MAPK10: variants seen among roughly 807,000 people sequenced by gnomAD.
The protein encoded by MAPK10 is JNK3 alpha protein kinase.
In MAPK10, 25 loss-of-function variants were observed where a neutral mutation model predicts 59.3. That is an observed-to-expected ratio of 0.42 (90% CI 0.31 to 0.59). The LOEUF is 0.59. Ranked by LOEUF, MAPK10 falls within the 20% of genes least tolerant of loss-of-function variation. The pLI is 0.15. For missense variants in MAPK10, 351 were observed against 568.9 expected (o/e 0.62, Z 3.90); for synonymous variants, 190 against 200.5 (o/e 0.95, Z 0.44).
intron 1 of MAPK10, among the ~76,000 whole-genome samples, chr4:86,551,010 G>C (rs750911855): frequency 1.3e-5 from 2 of 152,166 alleles, no homozygotes; most frequent in African/African-American, 2.4e-5. Context: ...ACTTCAAGGA[G>C]ACAGATAAGT....
At chr4:86,242,717 G>A (rs1465077803) in intron 2 of MAPK10, among the ~76,000 whole-genome samples, 2 of 152,216 alleles carry the variant, frequency 1.3e-5, no homozygotes, top group African/African-American at 4.8e-5. Flanking sequence ...GAGAAGCGCA[G>A]CTTGGAGCTA....
intron 2 of MAPK10, among the ~76,000 whole-genome samples, chr4:86,263,692 G>A (rs1057091999): frequency 1.3e-5 from 2 of 152,138 alleles, no homozygotes; most frequent in Non-Finnish European, 2.9e-5. Flanking sequence ...CACTTTACTG[G>A]TGCCTGAGTA....
chr4:86,401,976 C>T (rs1743784489), intron 1 of MAPK10, among the ~76,000 whole-genome samples: 1 of 152,090 alleles, frequency 6.6e-6, no homozygotes, highest in Non-Finnish European at 1.5e-5. Context: ...CAGGGGTAGA[C>T]ACATGACTAG....
chr4:86,107,465 G>A, intron 4 of MAPK10, 113 bp from the exon 5 acceptor site: 1 of 1,405,370 alleles, frequency 7.1e-7, no homozygotes, highest in Non-Finnish European at 9.3e-7. Flanking sequence ...CTTAGATACT[G>A]TCTACTCTGG....
intron 4 of MAPK10, among the ~76,000 whole-genome samples, chr4:86,139,818 A>T (rs2063194595): frequency 1.3e-5 from 2 of 150,120 alleles, no homozygotes; most frequent in South Asian, 2.1e-4. Context: ...TCTACAATGA[A>T]CTCAAACAAA....
chr4:86,075,824 G>T (rs959402129), intron 9 of MAPK10, among the ~76,000 whole-genome samples: 1 of 152,200 alleles, frequency 6.6e-6, no homozygotes, highest in Admixed American at 6.5e-5. Context: ...ATTTAAGTCT[G>T]CAGAGGTTAC....
chr4:86,134,671 G>C (rs1014520050), intron 4 of MAPK10, among the ~76,000 whole-genome samples: 9 of 152,116 alleles, frequency 5.9e-5, no homozygotes, highest in Non-Finnish European at 5.9e-5. Context: ...AAGTAAAATT[G>C]GGGGGAGGAG....
intron 1 of MAPK10, among the ~76,000 whole-genome samples, chr4:86,410,158 TC>T (rs2149026213): frequency 6.6e-6 from 1 of 152,338 alleles, no homozygotes; most frequent in South Asian, 2.1e-4. Flanking sequence ...ATTGAGATAA[TC>T]ATGTGGTTTT....
At chr4:86,588,389 T>C (rs1669673383) in intron 1 of MAPK10, among the ~76,000 whole-genome samples, 1 of 152,176 alleles carries the variant, frequency 6.6e-6, no homozygotes, top group African/African-American at 2.4e-5. Flanking sequence ...AAATGCAATG[T>C]TTTCCGTAAT....
chr4:86,070,891 A>C (rs377156058), intron 9 of MAPK10, among the ~76,000 whole-genome samples: 2,301 of 152,048 alleles, frequency 0.015, 65 homozygotes, highest in African/African-American at 0.051. Context: ...ATTTATAGTC[A>C]TTTGGGTATA....
chr4:86,395,642 G>C (rs1043145083), intron 1 of MAPK10, among the ~76,000 whole-genome samples: 1 of 152,190 alleles, frequency 6.6e-6, no homozygotes, highest in African/African-American at 2.4e-5. Context: ...TGCTATAACA[G>C]AATATTATAG....
Position 86,180,551 on chromosome 4 carries a change from C to A in MAPK10, c.66+13785G>T, listed in dbSNP as rs554828761. 1.1e-4 allele frequency among the ~76,000 whole-genome samples: 16 copies of A among 151,060 alleles called. 1 individual carries two copies. The South Asian group carries it at 2.1e-3, about 20-fold the overall frequency. On this transcript the variant is annotated intron_variant, in intron 3 of 13. Coordinates refer to ENST00000641462, the MANE Select transcript of MAPK10 (RefSeq NM_138982.4). ...TGTATCAAAGAGATATCTGCACCCC[C>A]ATGTTTACTGCACTATTCACAATAG...
At chr4:86,461,970 C>G (rs1751785246) in intron 1 of MAPK10, among the ~76,000 whole-genome samples, 1 of 152,220 alleles carries the variant, frequency 6.6e-6, no homozygotes, top group African/African-American at 2.4e-5. Flanking sequence ...TACATTTGAG[C>G]CTTTTCCTTT....
At chr4:86,516,397 T>A (rs1359825350) in intron 1 of MAPK10, among the ~76,000 whole-genome samples, 1 of 152,160 alleles carries the variant, frequency 6.6e-6, no homozygotes. Flanking sequence ...ATTTTAGGAT[T>A]ATTTTTTTCT....
intron 4 of MAPK10, among the ~76,000 whole-genome samples, chr4:86,109,274 G>A (rs2057058453): frequency 6.6e-6 from 1 of 152,102 alleles, no homozygotes; most frequent in African/African-American, 2.4e-5. Flanking sequence ...GAATGTGCAG[G>A]TTTGTTACAT....
intron 2 of MAPK10, among the ~76,000 whole-genome samples, chr4:86,208,680 A>G (rs1419299336): frequency 6.6e-6 from 1 of 151,878 alleles, no homozygotes; most frequent in Non-Finnish European, 1.5e-5. Context: ...AAACTGGCAC[A>G]AGACAGGGAT....
chr4:86,165,066 G>T (rs2071151007), intron 3 of MAPK10, among the ~76,000 whole-genome samples: 1 of 152,102 alleles, frequency 6.6e-6, no homozygotes, highest in South Asian at 2.1e-4. Context: ...TATCTCAATA[G>T]GATAGCCAAG....
chr4:86,582,026 A>T (rs2149113076), intron 1 of MAPK10, among the ~76,000 whole-genome samples: 1 of 149,514 alleles, frequency 6.7e-6, no homozygotes, highest in East Asian at 2.0e-4. Context: ...TTGTTAAAAT[A>T]TCATTTATCA....
intron 13 of MAPK10, among the ~76,000 whole-genome samples, chr4:86,023,066 A>T (rs932568953): frequency 3.9e-5 from 6 of 152,202 alleles, no homozygotes; most frequent in Non-Finnish European, 8.8e-5. Flanking sequence ...AGAGTTTTAT[A>T]ATGTTAGACC....
Sources: allele counts gnomAD v4.1 joint callset (sites outside exome capture counted in the v4.1 genomes callset), GRCh38; gene constraint gnomAD v4.1.1; transcripts MANE v1.5; gene names NCBI Gene and HGNC (gene_info 2026-07-23, HGNC 2026-07-21).